NFIA: variants seen among roughly 807,000 people sequenced by gnomAD.
NFIA encodes the protein nuclear factor I A.
A neutral mutation model predicts 62.8 loss-of-function variants in NFIA; 8 were observed. The ratio of observed to expected loss-of-function variants is 0.13; its 90% CI spans 0.07 to 0.23. The LOEUF (loss-of-function observed/expected upper bound fraction) is 0.23, where lower values mean the gene tolerates loss of function less well. Among genes scored for constraint, NFIA ranks in the 10% least tolerant of loss-of-function variants. The probability of loss-of-function intolerance (pLI) is 1.00; values close to 1 mark genes in which losing one functional copy is unlikely to be tolerated. For missense variants in NFIA, 410 were observed against 642.1 expected, an observed-to-expected ratio of 0.64 and a Z score of 3.91; for synonymous variants, 235 against 238.1, an observed-to-expected ratio of 0.99 and a Z score of 0.12.
chr1:61,379,899 A>G, intron 6 of NFIA, among the ~76,000 whole-genome samples: 1 of 152,150 alleles, frequency 6.6e-6, no homozygotes, highest in East Asian at 1.9e-4. Context: ...CTTTGTGAAT[A>G]GTGCATTTGA....
intron 6 of NFIA, among the ~76,000 whole-genome samples, chr1:61,361,820 T>TGTGTGTGTAC (rs1663310382): frequency 7.1e-6 from 1 of 141,602 alleles, no homozygotes; most frequent in Non-Finnish European, 1.5e-5. Context: ...TGTGTGTGTG[T>TGTGTGTGTAC]GTGTGTACGT....
intron 2 of NFIA, among the ~76,000 whole-genome samples, chr1:61,190,635 T>A (rs1489456298): frequency 6.6e-6 from 1 of 152,084 alleles, no homozygotes; most frequent in Non-Finnish European, 1.5e-5. Context: ...TATACCTGAT[T>A]GTGTCTAGGC....
intron 5 of NFIA, 49 bp downstream of exon 5, chr1:61,352,616 C>A: frequency 7.2e-7 from 1 of 1,391,476 alleles, no homozygotes; most frequent in Admixed American, 1.7e-5. Flanking sequence ...TGGTTGCACA[C>A]CTTGATTTTA....
At position 61,395,022 on chromosome 1, in the gene NFIA, G is replaced by A. The variant is rs573873926; in HGVS notation, c.1076-9082G>A. On this transcript the variant is annotated intron_variant, in intron 7 of 10. Transcript: ENST00000403491. ...CTTGGGAGGCTGAGGTGGGAGGATC[G>A]CTTGAGCCTGGGAAGCAGAGGTTGC... Among the ~76,000 whole-genome samples the A allele has an allele frequency of 3.9e-5, 6 of 152,254 alleles. No homozygotes were observed. In the East Asian group the frequency reaches 5.8e-4, roughly 15 times the overall value.
intron 2 of NFIA, among the ~76,000 whole-genome samples, chr1:61,132,233 G>A (rs896543032): frequency 2.0e-5 from 3 of 152,140 alleles, no homozygotes; most frequent in South Asian, 4.2e-4. Flanking sequence ...CGTCAAGCCA[G>A]CCTGTCCACT....
At chr1:61,140,997 T>G (rs1490699882) in intron 2 of NFIA, among the ~76,000 whole-genome samples, 1 of 148,408 alleles carries the variant, frequency 6.7e-6, no homozygotes, top group Non-Finnish European at 1.5e-5. Context: ...TTGCCCAGTT[T>G]TGGGCACAGA....
intron 3 of NFIA, among the ~76,000 whole-genome samples, chr1:61,283,607 A>AG (rs1658300594): frequency 1.3e-5 from 2 of 148,572 alleles, no homozygotes; most frequent in Admixed American, 6.7e-5. Context: ...AAAAAAAAAA[A>AG]AGATTTATGT....
intron 3 of NFIA, among the ~76,000 whole-genome samples, chr1:61,317,674 T>G (rs538545521): frequency 1.2e-4 from 18 of 152,206 alleles, no homozygotes; most frequent in African/African-American, 4.1e-4. Context: ...ATTTTGATTT[T>G]TATAGACAAC....
At chr1:61,421,072 C>T (rs4915740) in intron 9 of NFIA, among the ~76,000 whole-genome samples, 67,230 of 152,008 alleles carry the variant, frequency 0.44, 15,437 homozygotes, top group South Asian at 0.59. Flanking sequence ...AACCTGTCAA[C>T]CAACACATCT....
At chr1:61,444,417 C>CA (rs1667716929) in intron 10 of NFIA, among the ~76,000 whole-genome samples, 1 of 152,148 alleles carries the variant, frequency 6.6e-6, no homozygotes, top group African/African-American at 2.4e-5. Flanking sequence ...GTCCAGATTC[C>CA]AACTGTAAAA....
At chr1:61,165,943 T>C (rs889968692) in intron 2 of NFIA, among the ~76,000 whole-genome samples, 1 of 152,174 alleles carries the variant, frequency 6.6e-6, no homozygotes, top group Non-Finnish European at 1.5e-5. Flanking sequence ...ATAGTTAAGC[T>C]ATAGGATAAA....
At chr1:61,342,420 C>T (rs1557719174) in intron 4 of NFIA, among the ~76,000 whole-genome samples, 1 of 152,282 alleles carries the variant, frequency 6.6e-6, no homozygotes, top group East Asian at 1.9e-4. Flanking sequence ...ATGACTGAGG[C>T]TGTATCAGAT....
At chr1:61,101,395 CAAAA>C (rs1226359890) in intron 2 of NFIA, among the ~76,000 whole-genome samples, 1 of 67,452 alleles carries the variant, frequency 1.5e-5, no homozygotes. Flanking sequence ...AACTCCATCT[CAAAA>C]AAAAAAAAAA....
At chr1:61,123,317 CAGAG>C (rs930187644) in intron 2 of NFIA, among the ~76,000 whole-genome samples, 20 of 151,902 alleles carry the variant, frequency 1.3e-4, no homozygotes, top group Non-Finnish European at 8.8e-5. Flanking sequence ...GCAGAGGGTA[CAGAG>C]AGAGAGACCT....
intron 4 of NFIA, among the ~76,000 whole-genome samples, chr1:61,345,560 C>T (rs183861756): frequency 2.9e-4 from 44 of 152,254 alleles, no homozygotes; most frequent in African/African-American, 1.0e-3. Context: ...TGTTAGGAAC[C>T]GGACTGCACA....
intron 8 of NFIA, 32 bp from the exon 9 acceptor site, chr1:61,406,530 A>G (rs1229592926): frequency 1.3e-6 from 2 of 1,500,564 alleles, no homozygotes; most frequent in Non-Finnish European, 1.8e-6. Context: ...TTTTTCTTGT[A>G]CGTGTGTTTT....
At chr1:61,372,199 T>A (rs17265629) in intron 6 of NFIA, among the ~76,000 whole-genome samples, 10,365 of 152,214 alleles carry the variant, frequency 0.068, 463 homozygotes, top group Admixed American at 0.11. Flanking sequence ...GAAAGGATTA[T>A]GGTGATCAAG....
chr1:61,307,453 C>G (rs750785678), intron 3 of NFIA, among the ~76,000 whole-genome samples: 1 of 152,172 alleles, frequency 6.6e-6, no homozygotes, highest in Non-Finnish European at 1.5e-5. Flanking sequence ...TTATAAGCTA[C>G]TTTGTTTATG....
At chr1:61,179,424 G>C (rs947463952) in intron 2 of NFIA, among the ~76,000 whole-genome samples, 4 of 152,164 alleles carry the variant, frequency 2.6e-5, no homozygotes, top group Non-Finnish European at 5.9e-5. Flanking sequence ...CAATTTGTTC[G>C]AGTCTCAGTT....
Sources: gnomAD v4.1 joint callset for allele counts (sites outside exome capture counted in the v4.1 genomes callset) on GRCh38, gnomAD v4.1.1 for gene constraint, MANE v1.5 for transcripts, NCBI Gene and HGNC (gene_info 2026-07-23, HGNC 2026-07-21) for gene names.